Variants in HERC3 observed in about 807,000 individuals in gnomAD.
The protein encoded by HERC3 is probable E3 ubiquitin-protein ligase HERC3.
A neutral mutation model predicts 129.9 loss-of-function variants in HERC3; 58 were observed. That is an observed-to-expected ratio of 0.45 (90% CI 0.36 to 0.56). The LOEUF is 0.56. Ranked by LOEUF, HERC3 falls within the 20% of genes least tolerant of loss-of-function variation. HERC3 has a pLI of 0.00. For missense variants in HERC3, 835 were observed against 1,244.2 expected, an observed-to-expected ratio of 0.67 and a Z score of 4.95; for synonymous variants, 430 against 451.0, an observed-to-expected ratio of 0.95 and a Z score of 0.59.
Position 88,706,986 on chromosome 4 carries a change from C to A in HERC3, c.*26C>A, listed in dbSNP as rs771426306. The A allele has an allele frequency of 6.4e-7, 1 of 1,573,156 alleles. No homozygotes were observed. Among genetic ancestry groups the A allele is most frequent in the Non-Finnish European group, 8.8e-7 (1 of 1,142,816 alleles). ...GGCTTCTCAGCTTGTCCAGTATTTC[C>A]CTTCGTTCCTCAGTGTCCACATTGA... On this transcript the variant is annotated 3_prime_UTR_variant, in exon 26 of 26. Coordinates refer to ENST00000402738, the MANE Select transcript of HERC3 (RefSeq NM_014606.3).
In HERC3 at chr4:88,644,220, G is replaced by A. The variant is rs114568341; in HGVS notation, c.227-5620G>A. 4.0e-3 allele frequency among the ~76,000 whole-genome samples: 615 copies of A among 152,160 alleles called. 4 individuals are homozygous for A. The highest frequency in any genetic ancestry group is 0.014 in the African/African-American group (579 of 41,506). On this transcript the variant is annotated intron_variant, in intron 3 of 25. Transcript: ENST00000402738. ...GCCATTCTGGAAAATGATTTGGCAG[G>A]TTTTTTCTTTCTTTTTTTTAAATAA...
At position 88,687,261 on chromosome 4, in the gene HERC3, A is replaced by T. The variant is rs1213317334; in HGVS notation, c.2619A>T (p.Ile873=). The part of the protein sequence containing the change: ...SYGVIEQKKL[I]PGGDNVTVCK... ...GAGTGATTGAACAGAAGAAGCTGAT[A>T]CCTGGGGGAGATAATGTAACTGTGT... The change falls in exon 23 of 26, where the codon ATA becomes ATT. Residue 873 remains isoleucine (I), a synonymous_variant. Transcript: ENST00000402738. 1 of 1,613,150 alleles carries T rather than the reference A, an allele frequency of 6.2e-7. No homozygotes were observed. Among genetic ancestry groups the T allele is most frequent in the Admixed American group, 1.7e-5 (1 of 59,990 alleles).
chr4:88,650,915 CT>C (rs1236677162), intron 4 of HERC3, among the ~76,000 whole-genome samples: 1 of 152,202 alleles, frequency 6.6e-6, no homozygotes, highest in Non-Finnish European at 1.5e-5. Context: ...TCTTCTTCCT[CT>C]TCTTTTTTGC....
chr4:88,534,226 T>C, the HERC3 span, among the ~76,000 whole-genome samples: 1 of 152,116 alleles, frequency 6.6e-6, no homozygotes, highest in Admixed American at 6.6e-5. Flanking sequence ...AGAACACTGG[T>C]TTTTCAACTG....
At chr4:88,573,476 G>A in the HERC3 span, among the ~76,000 whole-genome samples, 3 of 152,176 alleles carry the variant, frequency 2.0e-5, no homozygotes, top group African/African-American at 7.2e-5. Flanking sequence ...TGGACTGTTT[G>A]CCTACTTTGA....
intron 3 of HERC3, among the ~76,000 whole-genome samples, chr4:88,632,522 A>T (rs1480505564): frequency 1.3e-5 from 2 of 152,250 alleles, no homozygotes; most frequent in Non-Finnish European, 2.9e-5. Context: ...AAATATTTCA[A>T]CAAGCTGGCC....
Position 88,673,140 on chromosome 4 carries a change from A to G in HERC3, c.1911+2888A>G, listed in dbSNP as rs113686249. Among the ~76,000 whole-genome samples, 364 of 152,330 alleles carry G rather than the reference A, an allele frequency of 2.4e-3. 2 individuals carry two copies. The highest frequency in any genetic ancestry group is 8.4e-3 in the African/African-American group (348 of 41,588). On this transcript the variant is annotated intron_variant, in intron 16 of 25. Coordinates refer to ENST00000402738, the MANE Select transcript of HERC3 (RefSeq NM_014606.3). Reference sequence around the variant, plus strand: ...CCTCTAGAGGGCAGCACAAGTGGGGAAAGTCAGTGCCACAGTGTAAATACT... The same window carrying G: ...CCTCTAGAGGGCAGCACAAGTGGGGGAAGTCAGTGCCACAGTGTAAATACT...
intron 9 of HERC3, 115 bp downstream of exon 9, chr4:88,656,150 AT>A: frequency 1.1e-6 from 1 of 915,164 alleles, no homozygotes; most frequent in Non-Finnish European, 1.6e-6. Flanking sequence ...AAGATAAGGT[AT>A]TTTTTAACAT....
intron 25 of HERC3, 101 bp downstream of exon 25, chr4:88,704,711 G>A: frequency 1.4e-6 from 1 of 720,210 alleles, no homozygotes; most frequent in Non-Finnish European, 2.5e-6. Flanking sequence ...CATTTAAATG[G>A]TAAAGACCAG....
chr4:88,533,333 A>G, the HERC3 span, among the ~76,000 whole-genome samples: 5 of 152,138 alleles, frequency 3.3e-5, no homozygotes, highest in Non-Finnish European at 7.3e-5. Flanking sequence ...ACTGACTGAA[A>G]TGTTAATCTC....
chr4:88,690,099 T>C, intron 23 of HERC3: 7 of 985,278 alleles, frequency 7.1e-6, no homozygotes, highest in Non-Finnish European at 8.4e-6. Flanking sequence ...TCTAGAAACC[T>C]AATATAGAGG....
intron 21 of HERC3, among the ~76,000 whole-genome samples, chr4:88,685,160 T>G (rs1387270242): frequency 1.3e-5 from 2 of 152,224 alleles, no homozygotes; most frequent in Non-Finnish European, 2.9e-5. Flanking sequence ...TGTAAATTAG[T>G]TCAACCATTG....
chr4:88,592,756 G>A (rs929256419), intron 1 of HERC3, among the ~76,000 whole-genome samples, 182 bp downstream of exon 1: 39 of 152,082 alleles, frequency 2.6e-4, no homozygotes, highest in African/African-American at 9.2e-4. Flanking sequence ...GGTCTGGGGC[G>A]CGGGGAGGTT....
chr4:88,669,782 T>C, intron 14 of HERC3, 78 bp from the exon 15 acceptor site: 1 of 1,288,776 alleles, frequency 7.8e-7, no homozygotes. Context: ...GACAAAGCAA[T>C]TTTTAACTGG....
the HERC3 span, among the ~76,000 whole-genome samples, chr4:88,567,090 C>T: frequency 1.3e-5 from 2 of 152,152 alleles, no homozygotes; most frequent in Non-Finnish European, 2.9e-5. Flanking sequence ...TACCTGGCTT[C>T]TCAGTACTTT....
chr4:88,610,078 C>T (rs1724124991), intron 3 of HERC3, among the ~76,000 whole-genome samples: 1 of 151,996 alleles, frequency 6.6e-6, no homozygotes, highest in Non-Finnish European at 1.5e-5. Flanking sequence ...TTTGGCTGGC[C>T]CCTTTACTGT....
intron 3 of HERC3, among the ~76,000 whole-genome samples, chr4:88,613,953 A>G: frequency 7.9e-6 from 1 of 125,964 alleles, no homozygotes; most frequent in Non-Finnish European, 1.6e-5. Flanking sequence ...GGGATAATTG[A>G]TCGGAATTTT....
At chr4:88,626,278 A>G (rs1010837337) in intron 3 of HERC3, among the ~76,000 whole-genome samples, 6 of 151,680 alleles carry the variant, frequency 4.0e-5, no homozygotes, top group Admixed American at 3.9e-4. Context: ...AACTCCTGGG[A>G]TCTAGTGATC....
At chr4:88,649,311 A>G (rs1198092940) in intron 3 of HERC3, among the ~76,000 whole-genome samples, 2 of 152,150 alleles carry the variant, frequency 1.3e-5, no homozygotes, top group Non-Finnish European at 2.9e-5. Flanking sequence ...CTTTTGGGCC[A>G]GTTTTCCCAG....
Sources: gnomAD v4.1 joint callset for allele counts (sites outside exome capture counted in the v4.1 genomes callset) on GRCh38, gnomAD v4.1.1 for gene constraint, MANE v1.5 for transcripts, NCBI Gene and HGNC (gene_info 2026-07-23, HGNC 2026-07-21) for gene names.